The following RABL3 variants were observed in gnomAD, a reference collection of about 807,000 sequenced individuals.
RABL3 encodes RAB, member of RAS oncogene family like 3.
Under a neutral mutation model 31.8 loss-of-function variants are expected in RABL3, and 31 were observed. The observed-to-expected ratio is 0.97, with a 90% confidence interval of 0.73 to 1.31. The LOEUF (loss-of-function observed/expected upper bound fraction) is 1.31, where lower values mean the gene tolerates loss of function less well. Among genes scored for constraint, RABL3 ranks in the 40% most tolerant of loss-of-function variants. The pLI is 0.00. For missense variants in RABL3, 263 were observed against 279.6 expected (o/e 0.94, Z 0.42); for synonymous variants, 97 against 99.9 (o/e 0.97, Z 0.18).
rs557115382 is a variant in RABL3 at position 120,715,916 on chromosome 3, G to T, written c.139-6007C>A. 6.2e-4 allele frequency among the ~76,000 whole-genome samples: 95 copies of T among 152,152 alleles called. 2 individuals are homozygous for T. In the South Asian group the frequency reaches 0.019, roughly 31 times the overall value. On this transcript the variant is annotated intron_variant, in intron 2 of 7. Coordinates refer to ENST00000273375, the MANE Select transcript of RABL3 (RefSeq NM_173825.5). ...ATTGCTTCCACGCTAAATGAATAGG[G>T]GCACTAACAGTACCTGCCTCATAGG...
chr3:120,697,365 T>C (rs1434193703), intron 5 of RABL3, among the ~76,000 whole-genome samples: 1 of 152,216 alleles, frequency 6.6e-6, no homozygotes, highest in African/African-American at 2.4e-5. Flanking sequence ...CTTATAGAGT[T>C]GATTGTGAAG....
chr3:120,709,711 G>A, intron 3 of RABL3, 69 bp downstream of exon 3: 2 of 1,162,158 alleles, frequency 1.7e-6, no homozygotes, highest in Non-Finnish European at 2.5e-6. Context: ...GGCATGCTAT[G>A]GCATTACATA....
At chr3:120,720,522 G>C (rs1237778745) in intron 2 of RABL3, among the ~76,000 whole-genome samples, 1 of 152,196 alleles carries the variant, frequency 6.6e-6, no homozygotes, top group African/African-American at 2.4e-5. Flanking sequence ...CACGGCATGA[G>C]AACTACGTGA....
At chr3:120,725,116 C>A (rs970421009) in intron 2 of RABL3, among the ~76,000 whole-genome samples, 7 of 151,688 alleles carry the variant, frequency 4.6e-5, no homozygotes, top group Non-Finnish European at 1.0e-4. Flanking sequence ...AAAAAACAAC[C>A]CCATCAACAA....
chr3:120,715,828 C>T (rs113356629), intron 2 of RABL3, among the ~76,000 whole-genome samples: 12 of 152,004 alleles, frequency 7.9e-5, no homozygotes, highest in African/African-American at 2.7e-4. Context: ...GGGTTTGAAT[C>T]GCAGTTCCAT....
intron 1 of RABL3, among the ~76,000 whole-genome samples, chr3:120,741,570 T>C (rs1227343293): frequency 6.6e-6 from 1 of 152,156 alleles, no homozygotes; most frequent in East Asian, 1.9e-4. Flanking sequence ...TTGGGGATTA[T>C]GGAAGAAAAG....
At chr3:120,734,676 G>T (rs1708932888) in intron 1 of RABL3, among the ~76,000 whole-genome samples, 2 of 152,180 alleles carry the variant, frequency 1.3e-5, no homozygotes, top group Admixed American at 6.5e-5. Flanking sequence ...TACTGGCTGT[G>T]GGTTTGCCAT....
intron 1 of RABL3, among the ~76,000 whole-genome samples, chr3:120,736,006 A>G (rs1708957177): frequency 6.6e-6 from 1 of 152,206 alleles, no homozygotes; most frequent in African/African-American, 2.4e-5. Flanking sequence ...GGTGCTGAGA[A>G]GAATGTATAT....
At chr3:120,694,823 T>C (rs1708418159) in intron 5 of RABL3, among the ~76,000 whole-genome samples, 1 of 152,036 alleles carries the variant, frequency 6.6e-6, no homozygotes, top group African/African-American at 2.4e-5. Context: ...AATAAAGATA[T>C]ATTACTACTC....
At chr3:120,690,783 T>A (rs1183476328) in intron 6 of RABL3, among the ~76,000 whole-genome samples, 1 of 152,162 alleles carries the variant, frequency 6.6e-6, no homozygotes, top group African/African-American at 2.4e-5. Flanking sequence ...TCTTAGAGTA[T>A]GACAGCAAAT....
chr3:120,709,808 T>C lies in RABL3; in HGVS notation c.240A>G (p.Thr80=), dbSNP rs1576336982. 1.2e-6 allele frequency: 2 copies of C among 1,612,318 alleles called. No homozygotes were observed. The change falls in exon 3 of 8, where the codon ACA becomes ACG. Residue 80 remains threonine (T), a synonymous_variant. Transcript: ENST00000273375. ...TTACGGAGTTGTAGAATACTGCTCT[T>C]GTGCTTTTCACGCTGCTGGCACTGC... ...SVGSASSVKS[T]RAVFYNSVNG...
At chr3:120,742,346 G>C in intron 1 of RABL3, 116 bp downstream of exon 1, 1 of 954,706 alleles carries the variant, frequency 1.0e-6, no homozygotes, top group Admixed American at 1.9e-5. Flanking sequence ...TCAGGCCCTG[G>C]GAGGGACTTC....
At chr3:120,725,041 A>T (rs1406684946) in intron 2 of RABL3, among the ~76,000 whole-genome samples, 2 of 152,092 alleles carry the variant, frequency 1.3e-5, no homozygotes, top group Non-Finnish European at 2.9e-5. Context: ...AAATGTTTGC[A>T]ATCTACTCAT....
rs570073239 is a variant in RABL3 at position 120,689,643 on chromosome 3, G to A, written c.*180C>T. On this transcript the variant is annotated 3_prime_UTR_variant, in exon 8 of 8. Transcript: ENST00000273375. ...AAAGGTAAGGAACACAGAGAACAGG[G>A]ACAAAGTTTGGACCTCCCGTATTGT... 73 of 541,650 alleles carry A rather than the reference G, an allele frequency of 1.3e-4. No homozygotes were observed. In the South Asian group the frequency reaches 1.9e-3, roughly 14 times the overall value. 33.6% of individuals were successfully genotyped at this position (541,650 alleles called of 1,614,324 possible).
chr3:120,694,509 T>C (rs982465831), intron 5 of RABL3, among the ~76,000 whole-genome samples: 2 of 152,130 alleles, frequency 1.3e-5, no homozygotes, highest in Non-Finnish European at 2.9e-5. Context: ...AATATTTTAC[T>C]AATATCAAAA....
intron 2 of RABL3, among the ~76,000 whole-genome samples, chr3:120,721,665 C>T (rs1457231457): frequency 6.6e-6 from 1 of 152,192 alleles, no homozygotes; most frequent in Non-Finnish European, 1.5e-5. Flanking sequence ...CAGGAGCACC[C>T]AGATTCATAA....
At chr3:120,716,863 CA>C (rs1240821945) in intron 2 of RABL3, among the ~76,000 whole-genome samples, 1 of 152,180 alleles carries the variant, frequency 6.6e-6, no homozygotes, top group Admixed American at 6.5e-5. Context: ...ATTATAACAA[CA>C]GTCAAAGTGA....
At chr3:120,698,297 G>A in intron 5 of RABL3, 126 bp downstream of exon 5, 3 of 888,348 alleles carry the variant, frequency 3.4e-6, no homozygotes, top group Non-Finnish European at 5.3e-6. Flanking sequence ...ACTACGTTTA[G>A]ACTAGAATCC....
chr3:120,732,630 T>C (rs949011520), intron 1 of RABL3, among the ~76,000 whole-genome samples: 3 of 152,288 alleles, frequency 2.0e-5, no homozygotes, highest in Admixed American at 1.3e-4. Context: ...TTGTTACATA[T>C]GTATACATGC....
Sources: gnomAD v4.1 joint callset for allele counts (sites outside exome capture counted in the v4.1 genomes callset) on GRCh38, gnomAD v4.1.1 for gene constraint, MANE v1.5 for transcripts, NCBI Gene and HGNC (gene_info 2026-07-23, HGNC 2026-07-21) for gene names.